The following FOXD2 variants were observed in gnomAD, a reference collection of about 807,000 sequenced individuals.
FOXD2 encodes forkhead box protein D2.
A neutral mutation model predicts 6.4 loss-of-function variants in FOXD2; 4 were observed. The observed-to-expected ratio is 0.62, with a 90% confidence interval of 0.31 to 1.42. The LOEUF (loss-of-function observed/expected upper bound fraction) is 1.42, where lower values mean the gene tolerates loss of function less well. FOXD2 is among the 40% of genes most tolerant of loss of function. The pLI, the probability that FOXD2 is intolerant of heterozygous loss-of-function variation, is 0.08. For synonymous variants in FOXD2, 393 were observed against 373.6 expected (o/e 1.05, Z -0.60); for missense variants, 709 against 766.8 (o/e 0.92, Z 0.89).
chr1:47,439,251 T>A lies in FOXD2; in HGVS notation c.1116T>A (p.Ser372Arg). The A allele has an allele frequency of 6.6e-7, 1 of 1,504,772 alleles. No homozygotes were observed. Among genetic ancestry groups the A allele is most frequent in the Non-Finnish European group, 8.8e-7 (1 of 1,138,830 alleles). The allele number at this position is 1,504,772 out of a possible 1,614,324, so 93.2% of individuals were successfully genotyped here. Residue 372 changes from serine to arginine, a missense_variant, in exon 1 of 1, where the codon AGT becomes AGA. Physicochemically the swap from Ser to Arg is moderately radical, Grantham distance 110. Transcript: ENST00000334793. ...CAKAFYAASL[S>R]PPAAGTAAGL... is the part of the protein sequence containing the mutation. ...AAGCCTTCTACGCGGCGTCCCTGAG[T>A]CCTCCCGCAGCCGGCACCGCGGCGG...
Position 47,438,351 on chromosome 1 carries a change from G to T in FOXD2, c.216G>T (p.Glu72Asp), listed in dbSNP as rs1223641195. Residue 72 changes from glutamate to aspartate, a missense_variant, in exon 1 of 1, where the codon GAG becomes GAT. Around this residue, in one of 5 missense-constraint regions of FOXD2, gnomAD observed 220 missense variants for 199.2 expected, o/e 1.10. Coordinates refer to ENST00000334793, the MANE Select transcript of FOXD2 (RefSeq NM_004474.4). ...EAEADLAEDE[E>D]ESGGCSDGEP... ...AGGCAGACTTAGCCGAGGACGAGGA[G>T]GAGTCTGGTGGCTGCTCGGACGGCG... The T allele has an allele frequency of 2.4e-6, 3 of 1,257,672 alleles. No individual in the cohort carries two copies. The East Asian group carries it at 9.5e-5, about 40-fold the overall frequency. 77.9% of individuals were successfully genotyped at this position (1,257,672 alleles called of 1,614,324 possible). A position where few individuals can be genotyped will look rare whatever the true frequency, so the allele number is the denominator to read the frequency against.
chr1:47,438,496 A>T lies in FOXD2; in HGVS notation c.361A>T (p.Thr121Ser). The stretch of plus-strand genomic sequence containing the variant: ...GGGACCGCCGTCGGGGGGCGCGGCG[A>T]CGCGGAGCCCGCTGGTGAAGCCGCC... The part of the protein sequence containing the change: ...GPGPPSGGAA[T>S]RSPLVKPPYS... The change falls in exon 1 of 1, where the codon ACG (threonine) becomes TCG (serine). Residue 121 changes from threonine to serine, a missense_variant. This residue lies in a region of FOXD2 where 220 missense variants were observed against 199.2 expected (regional missense o/e 1.10). Transcript: ENST00000334793. 2 of 1,580,612 alleles carry T rather than the reference A, an allele frequency of 1.3e-6. No individual in the cohort carries two copies. The highest frequency in any genetic ancestry group is 1.7e-6 in the Non-Finnish European group (2 of 1,165,034).
At position 47,439,836 on chromosome 1, in the gene FOXD2, C is replaced by G; in HGVS notation, c.*213C>G. 1 of 537,310 alleles carries G rather than the reference C, an allele frequency of 1.9e-6. No individual in the cohort carries two copies. Among genetic ancestry groups the G allele is most frequent in the Non-Finnish European group, 3.3e-6 (1 of 303,408 alleles). 33.3% of individuals were successfully genotyped at this position (537,310 alleles called of 1,614,324 possible). A position where few individuals can be genotyped will look rare whatever the true frequency, so the allele number is the denominator to read the frequency against. On this transcript the variant is annotated 3_prime_UTR_variant, in exon 1 of 1. Transcript: ENST00000334793. ...TCAGGGCGACAGGCCCGGGGCTACG[C>G]GAAGAAGTCGCAGGCCAAGATTCTT...
chr1:47,438,920 C>T lies in FOXD2; in HGVS notation c.785C>T (p.Ala262Val). 2 of 1,534,960 alleles carry T rather than the reference C, an allele frequency of 1.3e-6. No individual in the cohort carries two copies. The highest frequency in any genetic ancestry group is 1.8e-6 in the Non-Finnish European group (2 of 1,142,006). ...GGCGCTTTCCTGCCCGGCTTCGCTG[C>T]CTACGGCGCCTACGGCTACGGCTAC... The part of the protein sequence containing the change: ...DPGAFLPGFA[A>V]YGAYGYGYGL... Residue 262 changes from alanine (A) to valine (V), a missense_variant, in exon 1 of 1, where the codon GCC becomes GTC. Around this residue, in one of 5 missense-constraint regions of FOXD2, gnomAD observed 98 missense variants for 91.0 expected, o/e 1.08. Coordinates refer to ENST00000334793, the MANE Select transcript of FOXD2 (RefSeq NM_004474.4).
chr1:47,439,502 C>G lies in FOXD2; in HGVS notation c.1367C>G (p.Thr456Ser). Reference sequence around the variant, plus strand: ...CAAGCCCAGGTCTTGGCCATGCTGACTGCTCCGGCCCTGGCTCCCGTTGCT... The same window carrying G: ...CAAGCCCAGGTCTTGGCCATGCTGAGTGCTCCGGCCCTGGCTCCCGTTGCT... ...GGQAQVLAML[T>S]APALAPVAGH... Residue 456 changes from threonine (T) to serine (S), a missense_variant, in exon 1 of 1, where the codon ACT (threonine) becomes AGT (serine). Physicochemically the swap from Thr to Ser is moderately conservative, Grantham distance 58. Coordinates refer to ENST00000334793, the MANE Select transcript of FOXD2 (RefSeq NM_004474.4). 6.4e-7 allele frequency: 1 copy of G among 1,551,098 alleles called. No homozygotes were observed. Among genetic ancestry groups the G allele is most frequent in the Non-Finnish European group, 8.7e-7 (1 of 1,148,828 alleles).
chr1:47,438,318 G>T lies in FOXD2; in HGVS notation c.183G>T (p.Glu61Asp). The T allele has an allele frequency of 7.7e-7, 1 of 1,301,250 alleles. No homozygotes were observed. The allele number at this position is 1,301,250 out of a possible 1,614,324, so 80.6% of individuals were successfully genotyped here. A position where few individuals can be genotyped will look rare whatever the true frequency, so the allele number is the denominator to read the frequency against. Reference protein sequence around the residue: ...VLPHGHEPPAEEAEADLAEDE... With the variant: ...VLPHGHEPPADEAEADLAEDE... Reference sequence around the variant, plus strand: ...CCCACGGCCACGAGCCTCCCGCGGAGGAAGCCGAGGCAGACTTAGCCGAGG... The same window carrying T: ...CCCACGGCCACGAGCCTCCCGCGGATGAAGCCGAGGCAGACTTAGCCGAGG... The change falls in exon 1 of 1, where the codon GAG becomes GAT. Residue 61 changes from glutamate (E) to aspartate (D), a missense_variant. Coordinates refer to ENST00000334793, the MANE Select transcript of FOXD2 (RefSeq NM_004474.4).
chr1:47,439,252 C>T lies in FOXD2; in HGVS notation c.1117C>T (p.Pro373Ser), dbSNP rs748282146. ...AKAFYAASLS[P>S]PAAGTAAGLP... ...AGCCTTCTACGCGGCGTCCCTGAGT[C>T]CTCCCGCAGCCGGCACCGCGGCGGG... The change falls in exon 1 of 1, where the codon CCT becomes TCT. Residue 373 changes from proline to serine, a missense_variant. Physicochemically the swap from Pro to Ser is moderately conservative, Grantham distance 74. Transcript: ENST00000334793. 2.0e-6 allele frequency: 3 copies of T among 1,505,224 alleles called. 1 individual carries two copies. Among genetic ancestry groups the T allele is most frequent in the Non-Finnish European group, 2.6e-6 (3 of 1,138,930 alleles). 93.2% of individuals were successfully genotyped at this position (1,505,224 alleles called of 1,614,324 possible). A position where few individuals can be genotyped will look rare whatever the true frequency, so the allele number is the denominator to read the frequency against.
Position 47,439,273 on chromosome 1 carries a change from G to T in FOXD2, c.1138G>T (p.Ala380Ser). The T allele has an allele frequency of 6.7e-7, 1 of 1,503,742 alleles. No individual in the cohort carries two copies. The highest frequency in any genetic ancestry group is 8.8e-7 in the Non-Finnish European group (1 of 1,137,932). 93.1% of individuals were successfully genotyped at this position (1,503,742 alleles called of 1,614,324 possible). The change falls in exon 1 of 1, where the codon GCG becomes TCG. Residue 380 changes from alanine to serine, a missense_variant. This residue lies in a region of FOXD2 where 322 missense variants were observed against 313.8 expected (regional missense o/e 1.03). Coordinates refer to ENST00000334793, the MANE Select transcript of FOXD2 (RefSeq NM_004474.4). ...SLSPPAAGTA[A>S]GLPTALLRQG... ...GAGTCCTCCCGCAGCCGGCACCGCGGCGGGTCTGCCCACCGCACTTCTGCG... is the reference window on the plus strand; with the variant it reads ...GAGTCCTCCCGCAGCCGGCACCGCGTCGGGTCTGCCCACCGCACTTCTGCG...
Position 47,439,110 on chromosome 1 carries a change from C to A in FOXD2, c.975C>A (p.Ala325=). 6.9e-7 allele frequency: 1 copy of A among 1,459,558 alleles called. No individual in the cohort carries two copies. Among genetic ancestry groups the A allele is most frequent in the Non-Finnish European group, 9.0e-7 (1 of 1,111,138 alleles). The allele number at this position is 1,459,558 out of a possible 1,614,324, so 90.4% of individuals were successfully genotyped here. The change falls in exon 1 of 1, where the codon GCC becomes GCA. Residue 325 remains alanine, a synonymous_variant. Coordinates refer to ENST00000334793, the MANE Select transcript of FOXD2 (RefSeq NM_004474.4). ...AAAPPPGPPT[A]SVFAGAGSAP... ...CGCCTCCACCCGGACCTCCGACGGC[C>A]TCGGTGTTCGCAGGCGCGGGATCGG...
At position 47,438,952 on chromosome 1, in the gene FOXD2, G is replaced by C; in HGVS notation, c.817G>C (p.Ala273Pro). The C allele has an allele frequency of 4.0e-6, 6 of 1,514,334 alleles. No homozygotes were observed. The highest frequency in any genetic ancestry group is 8.8e-7 in the Non-Finnish European group (1 of 1,133,680). 93.8% of individuals were successfully genotyped at this position (1,514,334 alleles called of 1,614,324 possible). A position where few individuals can be genotyped will look rare whatever the true frequency, so the allele number is the denominator to read the frequency against. Reference sequence around the variant, plus strand: ...CGCCTACGGCTACGGCTACGGGCTGGCTCTCCCGGCCTACGGCGCACCCCC... The same window carrying C: ...CGCCTACGGCTACGGCTACGGGCTGCCTCTCCCGGCCTACGGCGCACCCCC... Reference protein sequence around the residue: ...YGAYGYGYGLALPAYGAPPPG... With the variant: ...YGAYGYGYGLPLPAYGAPPPG... The change falls in exon 1 of 1, where the codon GCT (alanine) becomes CCT (proline). Residue 273 changes from alanine to proline, a missense_variant. Physicochemically the swap from Ala to Pro is conservative, Grantham distance 27. This residue lies in a region of FOXD2 where 98 missense variants were observed against 91.0 expected (regional missense o/e 1.08). Coordinates refer to ENST00000334793, the MANE Select transcript of FOXD2 (RefSeq NM_004474.4).
At position 47,438,085 on chromosome 1, in the gene FOXD2, G is replaced by C; in HGVS notation, c.-51G>C. ...CCAGAGGCAGCGCGGCCGAGCCCGA[G>C]CCGCTGCCGGAGCGGAGCCGGAGAG... On this transcript the variant is annotated 5_prime_UTR_variant, in exon 1 of 1. Coordinates refer to ENST00000334793, the MANE Select transcript of FOXD2 (RefSeq NM_004474.4). 1 of 1,331,404 alleles carries C rather than the reference G, an allele frequency of 7.5e-7. No homozygotes were observed. Among genetic ancestry groups the C allele is most frequent in the Non-Finnish European group, 9.6e-7 (1 of 1,046,664 alleles). The allele number at this position is 1,331,404 out of a possible 1,614,324, so 82.5% of individuals were successfully genotyped here. A position where few individuals can be genotyped will look rare whatever the true frequency, so the allele number is the denominator to read the frequency against.
At position 47,439,114 on chromosome 1, in the gene FOXD2, G is replaced by T; in HGVS notation, c.979G>T (p.Val327Leu). The T allele has an allele frequency of 1.4e-6, 2 of 1,459,982 alleles. No individual in the cohort carries two copies. Among genetic ancestry groups the T allele is most frequent in the Non-Finnish European group, 1.8e-6 (2 of 1,111,440 alleles). The allele number at this position is 1,459,982 out of a possible 1,614,324, so 90.4% of individuals were successfully genotyped here. Reference protein sequence around the residue: ...APPPGPPTASVFAGAGSAPAP... With the variant: ...APPPGPPTASLFAGAGSAPAP... ...TCCACCCGGACCTCCGACGGCCTCG[G>T]TGTTCGCAGGCGCGGGATCGGCCCC... Residue 327 changes from valine to leucine, a missense_variant, in exon 1 of 1, where the codon GTG becomes TTG. Around this residue, in one of 5 missense-constraint regions of FOXD2, gnomAD observed 322 missense variants for 313.8 expected, o/e 1.03. Coordinates refer to ENST00000334793, the MANE Select transcript of FOXD2 (RefSeq NM_004474.4).
In FOXD2 at chr1:47,438,240, C is replaced by A; in HGVS notation, c.105C>A (p.Gly35=). 1.4e-6 allele frequency: 2 copies of A among 1,391,234 alleles called. No individual in the cohort carries two copies. The highest frequency in any genetic ancestry group is 1.6e-5 in the South Asian group (1 of 64,236). 86.2% of individuals were successfully genotyped at this position (1,391,234 alleles called of 1,614,324 possible). ...TAGACGTGGTGGGCGGCGGCAGCGG[C>A]GGGGGGGAGCTCCCAGCTCGCTCCG... ...ADIDVVGGGS[G]GGELPARSGP... The change falls in exon 1 of 1, where the codon GGC becomes GGA. Residue 35 remains glycine, a synonymous_variant. Coordinates refer to ENST00000334793, the MANE Select transcript of FOXD2 (RefSeq NM_004474.4).
chr1:47,439,533 C>T lies in FOXD2; in HGVS notation c.1398C>T (p.His466=), dbSNP rs1272567827. The change falls in exon 1 of 1, where the codon CAC becomes CAT. Residue 466 remains histidine, a synonymous_variant. Coordinates refer to ENST00000334793, the MANE Select transcript of FOXD2 (RefSeq NM_004474.4). ...TAPALAPVAG[H]IRLSHPGDAL... The stretch of plus-strand genomic sequence containing the variant: ...CGGCCCTGGCTCCCGTTGCTGGCCA[C>T]ATTCGCCTCTCGCATCCCGGGGACG... 6.4e-7 allele frequency: 1 copy of T among 1,553,000 alleles called. No homozygotes were observed. Among genetic ancestry groups the T allele is most frequent in the South Asian group, 1.2e-5 (1 of 83,964 alleles).
Position 47,439,036 on chromosome 1 carries a change from G to A in FOXD2, c.901G>A (p.Ala301Thr). 4 of 1,427,612 alleles carry A rather than the reference G, an allele frequency of 2.8e-6. No homozygotes were observed. Among genetic ancestry groups the A allele is most frequent in the South Asian group, 1.4e-5 (1 of 73,668 alleles). The allele number at this position is 1,427,612 out of a possible 1,614,324, so 88.4% of individuals were successfully genotyped here. Residue 301 changes from alanine (A) to threonine (T), a missense_variant, in exon 1 of 1, where the codon GCC becomes ACC. Physicochemically the swap from Ala to Thr is moderately conservative, Grantham distance 58. This residue lies in a region of FOXD2 where 322 missense variants were observed against 313.8 expected (regional missense o/e 1.03). Transcript: ENST00000334793. ...HPHAFAFAAA[A>T]AAAPCQLSVP... is the part of the protein sequence containing the mutation. ...GCACGCCTTCGCTTTCGCCGCGGCA[G>A]CCGCCGCCGCTCCTTGCCAGCTGTC...
chr1:47,439,509 G>C lies in FOXD2; in HGVS notation c.1374G>C (p.Pro458=), dbSNP rs1646996475. The C allele has an allele frequency of 6.4e-7, 1 of 1,551,242 alleles. No homozygotes were observed. The highest frequency in any genetic ancestry group is 1.4e-5 in the African/African-American group (1 of 73,324). Residue 458 remains proline (P), a synonymous_variant, in exon 1 of 1, where the codon CCG becomes CCC. Coordinates refer to ENST00000334793, the MANE Select transcript of FOXD2 (RefSeq NM_004474.4). ...QAQVLAMLTA[P]ALAPVAGHIR... ...AGGTCTTGGCCATGCTGACTGCTCC[G>C]GCCCTGGCTCCCGTTGCTGGCCACA...
In FOXD2 at chr1:47,439,219, T is replaced by A; in HGVS notation, c.1084T>A (p.Cys362Ser). The part of the protein sequence containing the change: ...LPAFLGAELG[C>S]AKAFYAASLS... ...CGCCTTCCTGGGCGCGGAGCTGGGCTGCGCCAAAGCCTTCTACGCGGCGTC... is the reference window on the plus strand; with the variant it reads ...CGCCTTCCTGGGCGCGGAGCTGGGCAGCGCCAAAGCCTTCTACGCGGCGTC... Residue 362 changes from cysteine (C) to serine (S), a missense_variant, in exon 1 of 1, where the codon TGC (cysteine) becomes AGC (serine). Physicochemically the swap from Cys to Ser is moderately radical, Grantham distance 112. This residue lies in a region of FOXD2 where 322 missense variants were observed against 313.8 expected (regional missense o/e 1.03). Transcript: ENST00000334793. 5 of 1,479,242 alleles carry A rather than the reference T, an allele frequency of 3.4e-6. No homozygotes were observed. Among genetic ancestry groups the A allele is most frequent in the Middle Eastern group, 4.5e-4 (2 of 4,454 alleles). The allele number at this position is 1,479,242 out of a possible 1,614,324, so 91.6% of individuals were successfully genotyped here. A position where few individuals can be genotyped will look rare whatever the true frequency, so the allele number is the denominator to read the frequency against.
In FOXD2 at chr1:47,440,110, CTTTTTTTTTTTTT is replaced by C. The variant is rs538530699; in HGVS notation, c.*498_*510del. On this transcript the variant is annotated 3_prime_UTR_variant, in exon 1 of 1. Coordinates refer to ENST00000334793, the MANE Select transcript of FOXD2 (RefSeq NM_004474.4). ...TTTGTGCTTAAAAGAAAAATTCAAC[CTTTTTTTTTTTTT>C]TTTTTTTTTTGCTGTTCTCCAAGGA... 1,653 of 114,836 alleles carry C rather than the reference CTTTTTTTTTTTTT, an allele frequency of 0.014. 21 individuals carry two copies. Among genetic ancestry groups the C allele is most frequent in the Non-Finnish European group, 0.019 (1,083 of 55,610 alleles). The allele number at this position is 114,836 out of a possible 1,614,324, so 7.1% of individuals were successfully genotyped here. A position where few individuals can be genotyped will look rare whatever the true frequency, so the allele number is the denominator to read the frequency against.
chr1:47,439,386 C>A lies in FOXD2; in HGVS notation c.1251C>A (p.Ile417=), dbSNP rs540253311. The change falls in exon 1 of 1, where the codon ATC becomes ATA. Residue 417 remains isoleucine, a synonymous_variant. Transcript: ENST00000334793. ...GGCCTTCCTTCTCTATAGACCACAT[C>A]ATGGGCCACGGTGGCGGCGGGGCAG... ...GQRPSFSIDH[I]MGHGGGGAAP... The A allele has an allele frequency of 4.5e-5, 69 of 1,547,576 alleles. No individual in the cohort carries two copies. In the East Asian group the frequency reaches 1.6e-3, roughly 36 times the overall value.
Sources: gnomAD v4.1 joint callset for allele counts on GRCh38, gnomAD v4.1.1 for gene constraint, gnomAD v4.1.1 regional missense constraint, MANE v1.5 for transcripts, NCBI Gene and HGNC (gene_info 2026-07-23, HGNC 2026-07-21) for gene names.